The following ITGAD variants were observed in gnomAD, a reference collection of about 807,000 sequenced individuals.
ITGAD encodes the protein integrin subunit alpha D, also known as integrin alpha-D.
A neutral mutation model predicts 139.0 loss-of-function variants in ITGAD; 105 were observed. That is an observed-to-expected ratio of 0.76 (90% confidence interval 0.65 to 0.89). The LOEUF (loss-of-function observed/expected upper bound fraction) is 0.89, where lower values mean the gene tolerates loss of function less well. Ranked by LOEUF, ITGAD falls within the 40% of genes least tolerant of loss-of-function variation. The pLI, the probability that ITGAD is intolerant of heterozygous loss-of-function variation, is 0.00. For missense variants in ITGAD, 1,384 were observed against 1,487.3 expected (o/e 0.93, Z 1.14); for synonymous variants, 569 against 598.3 (o/e 0.95, Z 0.71).
intron 29 of ITGAD, chr16:31,424,788 G>A (rs936570930): frequency 6.5e-5 from 25 of 383,908 alleles, no homozygotes; most frequent in Non-Finnish European, 9.4e-5. Context: ...TAGTAGAGAT[G>A]GAGTTTCATC....
At chr16:31,398,054 A>G in intron 5 of ITGAD, 145 bp downstream of exon 5, 1 of 615,544 alleles carries the variant, frequency 1.6e-6, no homozygotes, top group East Asian at 2.8e-5. Flanking sequence ...AGGGTGGCTC[A>G]GGCAGGAGCC....
At chr16:31,413,739 C>T (rs901194677) in intron 16 of ITGAD, among the ~76,000 whole-genome samples, 3 of 152,188 alleles carry the variant, frequency 2.0e-5, no homozygotes, top group South Asian at 2.1e-4. Context: ...TTACTAGGCA[C>T]GCTTTTCGTA....
intron 29 of ITGAD, among the ~76,000 whole-genome samples, chr16:31,425,611 C>T (rs4889657): frequency 0.94 from 143,510 of 152,196 alleles, 67,741 homozygotes; most frequent in African/African-American, 0.98. Context: ...TCTCAGCTTC[C>T]TCTTATTCCC....
chr16:31,418,028 C>A, intron 20 of ITGAD, 47 bp from the exon 21 acceptor site: 1 of 1,459,920 alleles, frequency 6.8e-7, no homozygotes, highest in South Asian at 1.1e-5. Context: ...GTATCAAGCC[C>A]ACACATGCAT....
chr16:31,424,268 C>T (rs2082067778), intron 28 of ITGAD, 65 bp downstream of exon 28: 1 of 1,587,394 alleles, frequency 6.3e-7, no homozygotes. Flanking sequence ...ATCTGTGGTG[C>T]TGGGTGGGGG....
intron 5 of ITGAD, 53 bp downstream of exon 5, chr16:31,397,962 G>T: frequency 7.5e-7 from 1 of 1,331,974 alleles, no homozygotes; most frequent in South Asian, 1.3e-5. Context: ...GGCACTGAGG[G>T]TGAGCAGGCG....
chr16:31,412,769 C>T, intron 14 of ITGAD, 69 bp from the exon 15 acceptor site: 2 of 1,596,386 alleles, frequency 1.3e-6, no homozygotes, highest in Non-Finnish European at 8.6e-7. Context: ...CTCCATATTC[C>T]CCTTGTTACT....
intron 5 of ITGAD, among the ~76,000 whole-genome samples, chr16:31,400,324 A>G (rs114397822): frequency 0.014 from 2,066 of 152,216 alleles, 55 homozygotes; most frequent in African/African-American, 0.048. Flanking sequence ...GGGGAGAGGA[A>G]AGAGGAAAAG....
intron 5 of ITGAD, among the ~76,000 whole-genome samples, chr16:31,401,852 C>T (rs574797343): frequency 6.6e-6 from 1 of 152,302 alleles, no homozygotes; most frequent in East Asian, 1.9e-4. Context: ...CTTGTGGCAC[C>T]CCTAGCATCT....
In ITGAD at chr16:31,397,833, C is replaced by T. The variant is rs1248778035; in HGVS notation, c.351C>T (p.Asn117=). 6.2e-7 allele frequency: 1 copy of T among 1,613,724 alleles called. No individual in the cohort carries two copies. The highest frequency in any genetic ancestry group is 1.7e-5 in the Admixed American group (1 of 60,020). Residue 117 remains asparagine, a synonymous_variant, in exon 5 of 30, where the codon AAC becomes AAT. Transcript: ENST00000389202. ...GPTLHRVCGE[N]SYSKGSCLLL... ...CCCTGCACAGAGTCTGTGGGGAGAACTCATACTCAAAGGGTTCCTGCCTCC... is the reference window on the plus strand; with the variant it reads ...CCCTGCACAGAGTCTGTGGGGAGAATTCATACTCAAAGGGTTCCTGCCTCC...
Position 31,397,866 on chromosome 16 carries a change from C to T in ITGAD, c.384C>T (p.Gly128=), listed in dbSNP as rs1297548120. The change falls in exon 5 of 30, where the codon GGC becomes GGT. Residue 128 remains glycine, a synonymous_variant. Transcript: ENST00000389202. ...SYSKGSCLLL[G]SRWEIIQTVP... ...CAAAGGGTTCCTGCCTCCTGCTGGG[C>T]TCGCGCTGGGAGATCATCCAGACAG... is the stretch of plus-strand genomic sequence containing the variant. 4 of 1,613,688 alleles carry T rather than the reference C, an allele frequency of 2.5e-6. No homozygotes were observed. Among genetic ancestry groups the T allele is most frequent in the Non-Finnish European group, 3.4e-6 (4 of 1,179,954 alleles).
chr16:31,421,242 A>G (rs1485378356), intron 23 of ITGAD, among the ~76,000 whole-genome samples: 1 of 152,154 alleles, frequency 6.6e-6, no homozygotes, highest in African/African-American at 2.4e-5. Flanking sequence ...TGCAGAGCCC[A>G]TGCCCATGGC....
In ITGAD at chr16:31,405,829, T is replaced by C. The variant is rs571408228; in HGVS notation, c.705-1686T>C. Among the ~76,000 whole-genome samples, 3 of 151,910 alleles carry C rather than the reference T, an allele frequency of 2.0e-5. 1 individual carries two copies. Among genetic ancestry groups the C allele is most frequent in the African/African-American group, 7.2e-5 (3 of 41,414 alleles). ...AATTTTAAAAAACATTTTTTGTAGA[T>C]ATGGGGTCTTGCTTTATTGCCCAGG... On this transcript the variant is annotated intron_variant, in intron 7 of 29. Transcript: ENST00000389202.
At position 31,411,180 on chromosome 16, in the gene ITGAD, AGG is replaced by A; in HGVS notation, c.1465_1466del (p.Gly489ProfsTer9). 1 of 1,613,604 alleles carries A rather than the reference AGG, an allele frequency of 6.2e-7. No individual in the cohort carries two copies. The highest frequency in any genetic ancestry group is 8.5e-7 in the Non-Finnish European group (1 of 1,179,838). On this transcript the variant is annotated frameshift_variant, in exon 13 of 30. Coordinates refer to ENST00000389202, the MANE Select transcript of ITGAD (RefSeq NM_005353.3). LOFTEE classifies it high-confidence loss of function. ...CCCCCCATTACTATGAGCAGACCCG[AGG>A]GGGCCAGGTGTCCGTGTGTCCCTTG... The part of the protein sequence containing the change: ...GAPHYYEQTR[G>X]GQVSVCPLPR...
Position 31,426,039 on chromosome 16 carries a change from A to G in ITGAD, c.3397A>G (p.Lys1133Glu), listed in dbSNP as rs1293334054. Residue 1133 changes from lysine to glutamate, a missense_variant, in exon 30 of 30, where the codon AAG becomes GAG. Physicochemically the swap from Lys to Glu is moderately conservative, Grantham distance 56 (BLOSUM62 1). Coordinates refer to ENST00000389202, the MANE Select transcript of ITGAD (RefSeq NM_005353.3). ...YKLGFFKRHY[K>E]EMLEDKPEDT... ...GCTTGGCTTCTTCAAACGCCACTAC[A>G]AGGAAATGCTGGAGGACAAGCCTGA... 6 of 1,613,914 alleles carry G rather than the reference A, an allele frequency of 3.7e-6. No homozygotes were observed. The highest frequency in any genetic ancestry group is 5.1e-6 in the Non-Finnish European group (6 of 1,179,816).
At position 31,424,464 on chromosome 16, in the gene ITGAD, C is replaced by T. The variant is rs1414364362; in HGVS notation, c.3262-3C>T. ...GCCGGATGCTCTCTGATCTCTAAAT[C>T]AGATGGAGATGGTGCTAGAAGAAGA... On this transcript the variant is annotated splice_polypyrimidine_tract_variant and splice_region_variant and intron_variant, in intron 28 of 29. Coordinates refer to ENST00000389202, the MANE Select transcript of ITGAD (RefSeq NM_005353.3). 1.9e-6 allele frequency: 3 copies of T among 1,610,440 alleles called. No individual in the cohort carries two copies. The highest frequency in any genetic ancestry group is 1.7e-5 in the Admixed American group (1 of 59,842).
intron 11 of ITGAD, 91 bp from the exon 12 acceptor site, chr16:31,410,645 G>T (rs2081668701): frequency 4.5e-6 from 7 of 1,543,938 alleles, no homozygotes; most frequent in Middle Eastern, 2.4e-4. Context: ...GTTCTGGGGA[G>T]GGGAGATGGG....
intron 13 of ITGAD, 28 bp from the exon 14 acceptor site, chr16:31,411,280 G>A (rs1428969180): frequency 2.5e-6 from 4 of 1,608,108 alleles, no homozygotes; most frequent in Non-Finnish European, 3.4e-6. Context: ...CACCTGGATT[G>A]GGGTCTGACA....
rs1231080144 is a variant in ITGAD, at chr16:31,424,120, T to C, written c.3178T>C (p.Leu1060=). ...TTTGCAGACATTGCAGAAGAAGGTG[T>C]TGGTCGTGAGTGTGGCTGAAATTAC... is the stretch of plus-strand genomic sequence containing the variant. ...WVRETLQKKV[L]VVSVAEITFD... is the part of the protein sequence containing the mutation. The change falls in exon 28 of 30, where the codon TTG becomes CTG. Residue 1060 remains leucine (L), a synonymous_variant. Coordinates refer to ENST00000389202, the MANE Select transcript of ITGAD (RefSeq NM_005353.3). The C allele has an allele frequency of 6.2e-7, 1 of 1,614,210 alleles. No individual in the cohort carries two copies. Among genetic ancestry groups the C allele is most frequent in the Non-Finnish European group, 8.5e-7 (1 of 1,180,022 alleles).
Sources: allele counts gnomAD v4.1 joint callset (sites outside exome capture counted in the v4.1 genomes callset), GRCh38; gene constraint gnomAD v4.1.1; transcripts MANE v1.5; gene names NCBI Gene and HGNC (gene_info 2026-07-23, HGNC 2026-07-21).